Variants in PHF24 observed in about 807,000 individuals in gnomAD.
PHF24 encodes the protein PHD finger protein 24, also known as Galpha inhibitory interacting protein.
A neutral mutation model predicts 42.6 loss-of-function variants in PHF24; 25 were observed. The observed-to-expected ratio is 0.59, with a 90% CI of 0.43 to 0.82. The LOEUF (loss-of-function observed/expected upper bound fraction) is 0.82, where lower values mean the gene tolerates loss of function less well. Among genes scored for constraint, PHF24 ranks in the 40% least tolerant of loss-of-function variants. The probability of loss-of-function intolerance (pLI) is 0.00; values close to 1 mark genes in which losing one functional copy is unlikely to be tolerated. For missense variants in PHF24, 470 were observed against 538.1 expected, an observed-to-expected ratio of 0.87 and a Z score of 1.25; for synonymous variants, 185 against 204.8, an observed-to-expected ratio of 0.90 and a Z score of 0.83.
chr9:34,843,843 A>G, the PHF24 span, among the ~76,000 whole-genome samples: 1 of 151,872 alleles, frequency 6.6e-6, no homozygotes, highest in Non-Finnish European at 1.5e-5. Context: ...AAATGTTGGG[A>G]TTACAGGTGT....
the PHF24 span, among the ~76,000 whole-genome samples, chr9:34,736,180 G>A: frequency 6.6e-6 from 1 of 151,926 alleles, no homozygotes; most frequent in Non-Finnish European, 1.5e-5. Flanking sequence ...CCAGAACAGA[G>A]CATCCAAGAG....
chr9:34,771,877 A>G, the PHF24 span, among the ~76,000 whole-genome samples: 1 of 152,220 alleles, frequency 6.6e-6, no homozygotes, highest in African/African-American at 2.4e-5. Context: ...GGCTTCAGTC[A>G]AACAGATCAA....
chr9:34,948,606 G>A, the PHF24 span, among the ~76,000 whole-genome samples: 1 of 152,204 alleles, frequency 6.6e-6, no homozygotes, highest in Non-Finnish European at 1.5e-5. Context: ...ACAGGTTTAA[G>A]CCTAGGAGGA....
the PHF24 span, among the ~76,000 whole-genome samples, chr9:34,753,757 A>G: frequency 6.6e-6 from 1 of 152,202 alleles, no homozygotes; most frequent in Non-Finnish European, 1.5e-5. Flanking sequence ...GAGGTACAGT[A>G]ACCAAAACAG....
At chr9:34,888,988 G>A in the PHF24 span, 1 of 397,756 alleles carries the variant, frequency 2.5e-6, no homozygotes. Flanking sequence ...TACCACATAA[G>A]AAGTACTTTT....
chr9:34,967,418 A>G (rs1826815448), intron 1 of PHF24, among the ~76,000 whole-genome samples: 1 of 152,242 alleles, frequency 6.6e-6, no homozygotes, highest in African/African-American at 2.4e-5. Context: ...TTGCAGATCT[A>G]TAAACACATG....
the PHF24 span, among the ~76,000 whole-genome samples, chr9:34,923,608 GGC>G: frequency 6.6e-6 from 1 of 151,952 alleles, no homozygotes; most frequent in African/African-American, 2.4e-5. Flanking sequence ...TCAATTTATT[GGC>G]ATAGAGTTGC....
the PHF24 span, among the ~76,000 whole-genome samples, chr9:34,694,202 A>G: frequency 7.8e-6 from 1 of 128,554 alleles, no homozygotes. Context: ...CAGAGTCTCA[A>G]TATGTCACCC....
chr9:34,977,004 G>A (rs1827214424), intron 5 of PHF24, 79 bp from the exon 6 acceptor site: 5 of 1,464,430 alleles, frequency 3.4e-6, no homozygotes, highest in African/African-American at 2.8e-5. Context: ...TGCAAAGGTG[G>A]TAATGGAGAT....
At chr9:34,937,418 G>A in the PHF24 span, among the ~76,000 whole-genome samples, 1 of 152,122 alleles carries the variant, frequency 6.6e-6, no homozygotes, top group South Asian at 2.1e-4. Context: ...GGCGGTGCAA[G>A]ATGTGCTTTG....
the PHF24 span, among the ~76,000 whole-genome samples, chr9:34,829,983 T>C: frequency 9.8e-4 from 149 of 152,356 alleles, 2 homozygotes; most frequent in East Asian, 0.026. Flanking sequence ...ATATACAGTT[T>C]GGAGCTCAGT....
At chr9:34,905,295 A>T in the PHF24 span, among the ~76,000 whole-genome samples, 40 of 152,298 alleles carry the variant, frequency 2.6e-4, no homozygotes, top group African/African-American at 8.9e-4. Context: ...CTCCTACCAG[A>T]GGAGAACAAG....
the PHF24 span, among the ~76,000 whole-genome samples, chr9:34,680,710 A>ATAAAT: frequency 1.3e-4 from 13 of 102,306 alleles, no homozygotes; most frequent in South Asian, 8.2e-4. Context: ...AAATAAATAA[A>ATAAAT]AAAAAAAATA....
At chr9:34,715,973 G>C in the PHF24 span, among the ~76,000 whole-genome samples, 3 of 152,344 alleles carry the variant, frequency 2.0e-5, no homozygotes, top group East Asian at 5.8e-4. Flanking sequence ...GCCAGGGAGG[G>C]GTATGGCGGG....
chr9:34,723,766 G>A, the PHF24 span: 12 of 1,551,570 alleles, frequency 7.7e-6, no homozygotes, highest in African/African-American at 1.4e-5. Context: ...ACACAGTCTG[G>A]GCATTCTCAG....
upstream of PHF24, among the ~76,000 whole-genome samples, chr9:34,954,590 TC>T (rs1208605380): frequency 6.6e-6 from 1 of 152,146 alleles, no homozygotes; most frequent in African/African-American, 2.4e-5. Context: ...CATTCTGATT[TC>T]CCCCCACAGT....
chr9:34,689,067 G>T, the PHF24 span, among the ~76,000 whole-genome samples: 42 of 152,330 alleles, frequency 2.8e-4, no homozygotes, highest in Admixed American at 2.0e-3. The surrounding 1 kb of genome is among the most constrained non-coding windows in gnomAD (Gnocchi z 4.1). Flanking sequence ...GGAGAGAGAA[G>T]AGTGTGCCAG....
chr9:34,780,395 C>T, the PHF24 span, among the ~76,000 whole-genome samples: 1 of 140,778 alleles, frequency 7.1e-6, no homozygotes, highest in Non-Finnish European at 1.5e-5. Flanking sequence ...CTCCTGGGCT[C>T]AAGTGATCTT....
chr9:34,908,911 G>A, the PHF24 span, among the ~76,000 whole-genome samples: 56 of 147,734 alleles, frequency 3.8e-4, no homozygotes, highest in Non-Finnish European at 7.7e-4. Context: ...GCAGTGGTGC[G>A]ATCTTGGCTC....
Sources: gnomAD v4.1 joint callset for allele counts (sites outside exome capture counted in the v4.1 genomes callset) on GRCh38, gnomAD v4.1.1 for gene constraint, Gnocchi (gnomAD v3.1) non-coding constraint, MANE v1.5 for transcripts, NCBI Gene and HGNC (gene_info 2026-07-23, HGNC 2026-07-21) for gene names.